The following PRORP variants were observed in gnomAD, a reference collection of about 807,000 sequenced individuals.
PRORP encodes protein only RNase P catalytic subunit.
In PRORP, 51 loss-of-function variants were observed where a neutral mutation model predicts 59.4. That is an observed-to-expected ratio of 0.86 (90% confidence interval 0.69 to 1.08). The LOEUF (loss-of-function observed/expected upper bound fraction) is 1.08. PRORP is among the 50% of genes least tolerant of loss of function. The pLI is 0.00. For synonymous variants in PRORP, 231 were observed against 245.6 expected, an observed-to-expected ratio of 0.94 and a Z score of 0.55; for missense variants, 646 against 690.3, an observed-to-expected ratio of 0.94 and a Z score of 0.72.
chr14:35,256,810 C>A (rs1363373866), intron 5 of PRORP, among the ~76,000 whole-genome samples: 3 of 151,802 alleles, frequency 2.0e-5, no homozygotes, highest in Non-Finnish European at 4.4e-5. Flanking sequence ...GGGTACATGG[C>A]AGTTCATTAT....
chr14:35,181,021 G>A (rs923395390), intron 5 of PRORP, among the ~76,000 whole-genome samples: 1 of 152,080 alleles, frequency 6.6e-6, no homozygotes, highest in African/African-American at 2.4e-5. Flanking sequence ...GCAATACAGG[G>A]CCAGATTTTC....
At position 35,157,105 on chromosome 14, in the gene PRORP, G is replaced by A. The variant is rs571932120; in HGVS notation, c.1168-23565G>A. ...CAAATAGCTGGGACTACAGGCGCCC[G>A]CCACCACGCCCAGCTAATTTTTTTT... is the stretch of plus-strand genomic sequence containing the variant. On this transcript the variant is annotated intron_variant, in intron 4 of 7. Coordinates refer to ENST00000534898, the MANE Select transcript of PRORP (RefSeq NM_014672.4). Among the ~76,000 whole-genome samples, 28 of 151,958 alleles carry A rather than the reference G, an allele frequency of 1.8e-4. 1 individual carries two copies. Among genetic ancestry groups the A allele is most frequent in the Admixed American group, 7.9e-4 (12 of 15,278 alleles).
At chr14:35,174,526 G>A in intron 4 of PRORP, among the ~76,000 whole-genome samples, 1 of 151,992 alleles carries the variant, frequency 6.6e-6, no homozygotes. Context: ...TGTAGTAGGT[G>A]CTCAGCAAAT....
intron 4 of PRORP, among the ~76,000 whole-genome samples, chr14:35,128,143 C>A (rs1040266833): frequency 6.6e-6 from 1 of 152,166 alleles, no homozygotes; most frequent in African/African-American, 2.4e-5. Context: ...ATTGAACCAT[C>A]CTTACGTCTC....
chr14:35,175,227 G>C (rs971767588), intron 4 of PRORP, among the ~76,000 whole-genome samples: 2 of 152,118 alleles, frequency 1.3e-5, no homozygotes, highest in Admixed American at 1.3e-4. Flanking sequence ...CTTTATAGCA[G>C]CATGATTTAT....
At chr14:35,166,090 G>A (rs568923024) in intron 4 of PRORP, among the ~76,000 whole-genome samples, 1 of 152,216 alleles carries the variant, frequency 6.6e-6, no homozygotes, top group Admixed American at 6.5e-5. Flanking sequence ...AGGCTTAAAA[G>A]TTGGATCTCT....
rs1178124641 is a variant in PRORP, at chr14:35,180,656, CATTT to C, written c.1168-13_1168-10del. On this transcript the variant is annotated splice_polypyrimidine_tract_variant and intron_variant, in intron 4 of 7. Transcript: ENST00000534898. ...GAGTTCTTATTAATGTTTTGTCTGA[CATTT>C]CTTTATTAGGAACTTAAGAGATTTG... is the stretch of plus-strand genomic sequence containing the variant. The C allele has an allele frequency of 6.6e-7, 1 of 1,512,316 alleles. No homozygotes were observed. 93.7% of individuals were successfully genotyped at this position (1,512,316 alleles called of 1,614,324 possible). A position where few individuals can be genotyped will look rare whatever the true frequency, so the allele number is the denominator to read the frequency against.
intron 7 of PRORP, 149 bp downstream of exon 7, chr14:35,270,745 A>T: frequency 1.3e-6 from 1 of 745,724 alleles, no homozygotes; most frequent in Non-Finnish European, 2.1e-6. Context: ...GCCAGGTCCT[A>T]GAAAGAGTCT....
At chr14:35,164,281 T>G (rs993421302) in intron 4 of PRORP, among the ~76,000 whole-genome samples, 1 of 152,224 alleles carries the variant, frequency 6.6e-6, no homozygotes, top group African/African-American at 2.4e-5. Context: ...AGGAATCCAC[T>G]GCTGGGTGTA....
At position 35,273,631 on chromosome 14, in the gene PRORP, A is replaced by G; in HGVS notation, c.*65A>G. On this transcript the variant is annotated 3_prime_UTR_variant, in exon 8 of 8. Transcript: ENST00000534898. ...TCTAGGTTGGCATCAGAGGCTCTTG[A>G]GCTGGTGTTTGTTTAGGGCATTGCC... 6.7e-7 allele frequency: 1 copy of G among 1,498,488 alleles called. No individual in the cohort carries two copies. Among genetic ancestry groups the G allele is most frequent in the Non-Finnish European group, 9.0e-7 (1 of 1,110,702 alleles). The allele number at this position is 1,498,488 out of a possible 1,614,324, so 92.8% of individuals were successfully genotyped here. A position where few individuals can be genotyped will look rare whatever the true frequency, so the allele number is the denominator to read the frequency against.
chr14:35,123,419 A>C lies in PRORP; in HGVS notation c.174A>C (p.Ala58=). 6.2e-7 allele frequency: 1 copy of C among 1,614,232 alleles called. No homozygotes were observed. The highest frequency in any genetic ancestry group is 8.5e-7 in the Non-Finnish European group (1 of 1,180,052). Residue 58 remains alanine, a synonymous_variant, in exon 2 of 8, where the codon GCA becomes GCC. Coordinates refer to ENST00000534898, the MANE Select transcript of PRORP (RefSeq NM_014672.4). ...CAATGTCTCCACAGAATACCAAAGCAACGAATCTGATTGCCAAGGCCAGAT... is the reference window on the plus strand; with the variant it reads ...CAATGTCTCCACAGAATACCAAAGCCACGAATCTGATTGCCAAGGCCAGAT... ...LKTMSPQNTK[A]TNLIAKARYL... is the part of the protein sequence containing the mutation.
chr14:35,124,388 C>G, intron 2 of PRORP, 157 bp downstream of exon 2: 2 of 442,822 alleles, frequency 4.5e-6, no homozygotes, highest in Non-Finnish European at 7.8e-6. Flanking sequence ...TCGCTTCAGT[C>G]TCCTCAGTAG....
chr14:35,169,590 C>T (rs933341960), intron 4 of PRORP, among the ~76,000 whole-genome samples: 2 of 152,098 alleles, frequency 1.3e-5, no homozygotes, highest in African/African-American at 2.4e-5. Flanking sequence ...GAAAAACTAC[C>T]GTTTATAAAA....
At position 35,126,795 on chromosome 14, in the gene PRORP, GTTTATT is replaced by G; in HGVS notation, c.1034+18_1034+23del. 1.3e-6 allele frequency: 2 copies of G among 1,596,134 alleles called. No homozygotes were observed. Among genetic ancestry groups the G allele is most frequent in the Admixed American group, 1.7e-5 (1 of 58,304 alleles). The stretch of plus-strand genomic sequence containing the variant: ...CAGTCCGAAAAAGGTGAAGACCAAT[GTTTATT>G]TTTAACTTGTTTGATTTTGGTTTAG... On this transcript the variant is annotated intron_variant, in intron 3 of 7. Coordinates refer to ENST00000534898, the MANE Select transcript of PRORP (RefSeq NM_014672.4).
At chr14:35,221,483 A>AT (rs1390407448) in intron 5 of PRORP, among the ~76,000 whole-genome samples, 1 of 151,448 alleles carries the variant, frequency 6.6e-6, no homozygotes, top group East Asian at 1.9e-4. Flanking sequence ...ATTAGTTTTG[A>AT]TTTTTTGAAA....
intron 5 of PRORP, among the ~76,000 whole-genome samples, chr14:35,195,384 A>G (rs568276602): frequency 1.7e-3 from 264 of 152,260 alleles, no homozygotes; most frequent in African/African-American, 6.1e-3. Flanking sequence ...CCCATGATAC[A>G]TGAAAAAGAC....
chr14:35,160,041 CA>C (rs2048018534), intron 4 of PRORP, among the ~76,000 whole-genome samples: 1 of 152,198 alleles, frequency 6.6e-6, no homozygotes, highest in South Asian at 2.1e-4. Context: ...CCAAAGTTCA[CA>C]GGAAAATAGA....
rs2051302794 is a variant in PRORP at position 35,276,930 on chromosome 14, TG to T, written c.*3366del. On this transcript the variant is annotated 3_prime_UTR_variant, in exon 8 of 8. Coordinates refer to ENST00000534898, the MANE Select transcript of PRORP (RefSeq NM_014672.4). ...TCTGTTGGGTCTACCTCATCTGAGGTGGCTTATTCTTCATAGGAAATTAATT... is the reference window on the plus strand; with the variant it reads ...TCTGTTGGGTCTACCTCATCTGAGGTGCTTATTCTTCATAGGAAATTAATT... The T allele has an allele frequency of 6.6e-6, 1 of 152,210 alleles. No individual in the cohort carries two copies. The allele number at this position is 152,210 out of a possible 1,614,324, so 9.4% of individuals were successfully genotyped here.
rs34808330 is a variant in PRORP at position 35,187,428 on chromosome 14, G to GTTT, written c.1275+6665_1275+6667dup. 1.3e-3 allele frequency among the ~76,000 whole-genome samples: 186 copies of GTTT among 138,964 alleles called. 3 individuals carry two copies. Among genetic ancestry groups the GTTT allele is most frequent in the South Asian group, 2.7e-3 (12 of 4,390 alleles). The allele number at this position is 138,964 out of a possible 152,430, so 91.2% of individuals were successfully genotyped here. A position where few individuals can be genotyped will look rare whatever the true frequency, so the allele number is the denominator to read the frequency against. ...GGACCTGGTATATTGTAGTTTCTTT[G>GTTT]TTTTTTTTTTTTTTTTAGATGGAGT... is the stretch of plus-strand genomic sequence containing the variant. On this transcript the variant is annotated intron_variant, in intron 5 of 7. Transcript: ENST00000534898.
Sources: gnomAD v4.1 joint callset for allele counts (sites outside exome capture counted in the v4.1 genomes callset) on GRCh38, gnomAD v4.1.1 for gene constraint, MANE v1.5 for transcripts, NCBI Gene and HGNC (gene_info 2026-07-23, HGNC 2026-07-21) for gene names.